Variants in OXR1 observed in about 807,000 individuals in gnomAD.
The protein encoded by OXR1 is oxidation resistance protein 1.
A neutral mutation model predicts 104.6 loss-of-function variants in OXR1; 41 were observed. The ratio of observed to expected loss-of-function variants is 0.39; its 90% CI spans 0.31 to 0.51. The LOEUF (loss-of-function observed/expected upper bound fraction) is 0.51. Among genes scored for constraint, OXR1 ranks in the 20% least tolerant of loss-of-function variants. The pLI is 0.77. For synonymous variants in OXR1, 348 were observed against 348.4 expected (o/e 1.00, Z 0.01); for missense variants, 955 against 1,031.9 (o/e 0.93, Z 1.02).
At chr8:106,365,561 C>A (rs1327034446) in intron 2 of OXR1, among the ~76,000 whole-genome samples, 2 of 152,088 alleles carry the variant, frequency 1.3e-5, no homozygotes, top group African/African-American at 4.8e-5. Context: ...ATTAATTCTA[C>A]AAAATGCCAA....
chr8:106,565,988 G>T (rs747407058), intron 3 of OXR1, among the ~76,000 whole-genome samples: 1 of 152,250 alleles, frequency 6.6e-6, no homozygotes, highest in African/African-American at 2.4e-5. Context: ...ATGGATTAAA[G>T]ATTTAAATGT....
At chr8:106,517,488 T>C (rs1289369327) in intron 2 of OXR1, among the ~76,000 whole-genome samples, 1 of 152,182 alleles carries the variant, frequency 6.6e-6, no homozygotes, top group Non-Finnish European at 1.5e-5. Context: ...ATCTTTTGGT[T>C]AACACATAAA....
intron 2 of OXR1, among the ~76,000 whole-genome samples, chr8:106,487,387 A>G (rs1321147924): frequency 6.8e-6 from 1 of 146,798 alleles, no homozygotes; most frequent in Non-Finnish European, 1.5e-5. Flanking sequence ...TTATGGATAC[A>G]TAACAATTGT....
At chr8:106,523,797 C>A (rs546004638) in intron 3 of OXR1, among the ~76,000 whole-genome samples, 171 of 147,266 alleles carry the variant, frequency 1.2e-3, no homozygotes, top group African/African-American at 4.1e-3. Flanking sequence ...TTTTTTGAGA[C>A]GGAGTCTCGC....
chr8:106,278,983 T>C (rs1812172971), intron 1 of OXR1, among the ~76,000 whole-genome samples: 1 of 152,182 alleles, frequency 6.6e-6, no homozygotes. Flanking sequence ...GGAGATACTT[T>C]AGCACAATGC....
intron 4 of OXR1, among the ~76,000 whole-genome samples, chr8:106,680,347 T>C (rs1828026384): frequency 6.6e-6 from 1 of 152,154 alleles, no homozygotes; most frequent in African/African-American, 2.4e-5. Flanking sequence ...TCTTTACAAT[T>C]CTGCAGTGCC....
At chr8:106,611,944 A>AC (rs1407875161) in intron 3 of OXR1, among the ~76,000 whole-genome samples, 7 of 151,880 alleles carry the variant, frequency 4.6e-5, no homozygotes, top group African/African-American at 7.3e-5. Context: ...ATAAAAACAA[A>AC]AAAAAAATAG....
intron 2 of OXR1, among the ~76,000 whole-genome samples, chr8:106,499,194 GAATT>G (rs1811613016): frequency 7.0e-6 from 1 of 142,394 alleles, no homozygotes; most frequent in East Asian, 2.1e-4. Flanking sequence ...AAAAAAAAAA[GAATT>G]AGGAGATGTT....
chr8:106,606,023 G>A (rs3101543), intron 3 of OXR1, among the ~76,000 whole-genome samples: 92,490 of 151,912 alleles, frequency 0.61, 29,297 homozygotes, highest in African/African-American at 0.8. Context: ...TTGCAGTTGT[G>A]ACAAGTCATG....
intron 2 of OXR1, among the ~76,000 whole-genome samples, chr8:106,494,439 A>C (rs1472291239): frequency 6.6e-6 from 1 of 152,128 alleles, no homozygotes; most frequent in African/African-American, 2.4e-5. Flanking sequence ...GTAGGTGTGC[A>C]CTGTAAGGAA....
chr8:106,702,305 A>G (rs1263986374), intron 7 of OXR1, among the ~76,000 whole-genome samples: 1 of 152,170 alleles, frequency 6.6e-6, no homozygotes, highest in East Asian at 1.9e-4. Context: ...ATAGCTTTTC[A>G]TGGTGAGTTA....
At chr8:106,624,076 C>T (rs374360023) in intron 3 of OXR1, among the ~76,000 whole-genome samples, 147 of 152,302 alleles carry the variant, frequency 9.7e-4, no homozygotes, top group African/African-American at 3.3e-3. Context: ...TGTTTTCTTT[C>T]CTCTCCACCC....
chr8:106,671,425 T>C (rs1826968774), intron 3 of OXR1, among the ~76,000 whole-genome samples: 3 of 152,102 alleles, frequency 2.0e-5, no homozygotes, highest in Admixed American at 1.3e-4. Context: ...CGTGTAAAAC[T>C]GTTTCATATA....
At chr8:106,482,432 C>T (rs1822188646) in intron 2 of OXR1, among the ~76,000 whole-genome samples, 1 of 141,638 alleles carries the variant, frequency 7.1e-6, no homozygotes, top group Non-Finnish European at 1.5e-5. Flanking sequence ...AAAAAAAAGG[C>T]TCAAATCCCA....
At chr8:106,423,434 C>A (rs527906926) in intron 2 of OXR1, among the ~76,000 whole-genome samples, 1 of 151,992 alleles carries the variant, frequency 6.6e-6, no homozygotes, top group Non-Finnish European at 1.5e-5. Flanking sequence ...ATTTAAGGAG[C>A]GATTTCTGTA....
chr8:106,526,901 TA>T (rs1272341257), intron 3 of OXR1, among the ~76,000 whole-genome samples: 1 of 152,194 alleles, frequency 6.6e-6, no homozygotes, highest in African/African-American at 2.4e-5. Context: ...AGGAGAAAAT[TA>T]GCTCTCAAAG....
rs1047687027 is a variant in OXR1, at chr8:106,270,197, G to T, written c.-309G>T. On this transcript the variant is annotated 5_prime_UTR_variant, in exon 1 of 17. Coordinates refer to ENST00000517566, the MANE Select transcript of OXR1 (RefSeq NM_001198533.2). ...CTGAGCATGTCTGCAAGCGCTCAGC[G>T]GCGCCGGCAGCAGCGGGGCTAGAGC... The T allele has an allele frequency of 1.3e-5, 2 of 152,336 alleles. No homozygotes were observed. Among genetic ancestry groups the T allele is most frequent in the Admixed American group, 1.3e-4 (2 of 15,290 alleles). The allele number at this position is 152,336 out of a possible 1,614,324, so 9.4% of individuals were successfully genotyped here. A position where few individuals can be genotyped will look rare whatever the true frequency, so the allele number is the denominator to read the frequency against.
intron 3 of OXR1, chr8:106,604,685 G>C (rs1034205578): frequency 6.6e-6 from 1 of 152,206 alleles, no homozygotes; most frequent in African/African-American, 2.4e-5. Flanking sequence ...CTAGGAAACA[G>C]ATGCTTAACA....
chr8:106,746,625 A>G (rs1212243422), intron 16 of OXR1, among the ~76,000 whole-genome samples: 2 of 152,232 alleles, frequency 1.3e-5, no homozygotes, highest in South Asian at 2.1e-4. Flanking sequence ...AATATTCATC[A>G]TCCCAGGTTA....
Sources: allele counts gnomAD v4.1 joint callset (sites outside exome capture counted in the v4.1 genomes callset), GRCh38; gene constraint gnomAD v4.1.1; transcripts MANE v1.5; gene names NCBI Gene and HGNC (gene_info 2026-07-23, HGNC 2026-07-21).